Variants in ATP8A1 observed in about 807,000 individuals in gnomAD.
ATP8A1 encodes ATPase phospholipid transporting 8A1.
ATP8A1 carries 90 observed loss-of-function variants against 177.7 expected under a neutral mutation model. The ratio of observed to expected loss-of-function variants is 0.51; its 90% CI spans 0.43 to 0.60. The LOEUF (loss-of-function observed/expected upper bound fraction) is 0.60. Among genes scored for constraint, ATP8A1 ranks in the 20% least tolerant of loss-of-function variants. ATP8A1 has a pLI of 0.00. For synonymous variants in ATP8A1, 493 were observed against 485.9 expected (o/e 1.01, Z -0.19); for missense variants, 1,072 against 1,392.8 (o/e 0.77, Z 3.67).
At chr4:42,453,338 T>C (rs909152860) in intron 29 of ATP8A1, among the ~76,000 whole-genome samples, 1 of 152,172 alleles carries the variant, frequency 6.6e-6, no homozygotes, top group African/African-American at 2.4e-5. Flanking sequence ...TTATATGAGA[T>C]TGAATCAAAT....
chr4:42,555,138 T>TAATC lies in ATP8A1; in HGVS notation c.1413+826_1413+829dup, dbSNP rs1553903394. Among the ~76,000 whole-genome samples the TAATC allele has an allele frequency of 1.0e-4, 8 of 76,810 alleles. No homozygotes were observed. In the East Asian group the frequency reaches 2.6e-3, roughly 25 times the overall value. 50.4% of individuals were successfully genotyped at this position (76,810 alleles called of 152,430 possible). The stretch of plus-strand genomic sequence containing the variant: ...CTATCTATCTATCTATCTATCTATC[T>TAATC]AATCTATCTATCTATCTATCTATCT... On this transcript the variant is annotated intron_variant, in intron 16 of 36. Transcript: ENST00000381668.
chr4:42,457,739 G>A (rs1048418916), intron 27 of ATP8A1, among the ~76,000 whole-genome samples: 1 of 152,160 alleles, frequency 6.6e-6, no homozygotes, highest in South Asian at 2.1e-4. Flanking sequence ...GCTACTACGA[G>A]CTTGAAATTT....
intron 33 of ATP8A1, among the ~76,000 whole-genome samples, chr4:42,436,696 G>T (rs1283379447): frequency 6.6e-6 from 1 of 152,104 alleles, no homozygotes; most frequent in Non-Finnish European, 1.5e-5. Context: ...TTCCCTCCAG[G>T]CTACTTGGCT....
At chr4:42,601,919 T>A (rs199995982) in intron 5 of ATP8A1, among the ~76,000 whole-genome samples, 1 of 8,594 alleles carries the variant, frequency 1.2e-4, no homozygotes, top group African/African-American at 2.3e-4. Context: ...AACTCAGTGT[T>A]TCACAATATA....
chr4:42,444,589 A>T lies in ATP8A1; in HGVS notation c.3004T>A (p.Tyr1002Asn). Residue 1002 changes from tyrosine (Y) to asparagine (N), a missense_variant, in exon 32 of 37, where the codon TAT (tyrosine) becomes AAT (asparagine). This residue lies in a region of ATP8A1 where 316 missense variants were observed against 459.1 expected (regional missense o/e 0.69). Transcript: ENST00000381668. ...AGATATTTTCTTACCCATGTCCAAT[A>T]TGATGTCTCCAATCCAGCTTTCAAA... ...VCLKAGLETS[Y>N]WTWFSHIAIW... 1.9e-6 allele frequency: 3 copies of T among 1,613,896 alleles called. No homozygotes were observed. The highest frequency in any genetic ancestry group is 1.7e-6 in the Non-Finnish European group (2 of 1,179,838).
chr4:42,605,771 C>T (rs979883758), intron 5 of ATP8A1, among the ~76,000 whole-genome samples: 1 of 152,200 alleles, frequency 6.6e-6, no homozygotes, highest in African/African-American at 2.4e-5. Flanking sequence ...TCCTCTCCAC[C>T]CAAATGTTCT....
rs987703528 is a variant in ATP8A1, at chr4:42,412,309, G to A, written c.*607C>T. The A allele has an allele frequency of 3.9e-5, 6 of 152,152 alleles. No homozygotes were observed. The highest frequency in any genetic ancestry group is 5.9e-5 in the Non-Finnish European group (4 of 68,024). The allele number at this position is 152,152 out of a possible 1,614,324, so 9.4% of individuals were successfully genotyped here. On this transcript the variant is annotated 3_prime_UTR_variant, in exon 37 of 37. Coordinates refer to ENST00000381668, the MANE Select transcript of ATP8A1 (RefSeq NM_006095.2). ...AAGTCAGGCATGCAGATCTTACAGC[G>A]GAACTGGAAGTAAACTTTCTCTTAC...
chr4:42,410,737 CAG>C lies in ATP8A1; in HGVS notation c.*2177_*2178del, dbSNP rs1408632937. 2.0e-5 allele frequency: 3 copies of C among 152,274 alleles called. No individual in the cohort carries two copies. Among genetic ancestry groups the C allele is most frequent in the African/African-American group, 7.2e-5 (3 of 41,548 alleles). 9.4% of individuals were successfully genotyped at this position (152,274 alleles called of 1,614,324 possible). A position where few individuals can be genotyped will look rare whatever the true frequency, so the allele number is the denominator to read the frequency against. ...ATTCTTCTCATGTTTAAGAGCTCCA[CAG>C]AAACAATCCACGTTTCAAGATTAAA... On this transcript the variant is annotated 3_prime_UTR_variant, in exon 37 of 37. Coordinates refer to ENST00000381668, the MANE Select transcript of ATP8A1 (RefSeq NM_006095.2).
chr4:42,636,720 G>C (rs946403012), intron 1 of ATP8A1, among the ~76,000 whole-genome samples: 4 of 151,980 alleles, frequency 2.6e-5, no homozygotes, highest in African/African-American at 7.3e-5. Flanking sequence ...GCTTCTCCTG[G>C]AAACAGCCCA....
At chr4:42,608,351 G>T (rs569779155) in intron 5 of ATP8A1, among the ~76,000 whole-genome samples, 39 of 146,376 alleles carry the variant, frequency 2.7e-4, no homozygotes, top group African/African-American at 9.0e-4. Flanking sequence ...GCCCTCCCCG[G>T]GCAATAATAT....
At chr4:42,472,747 C>CAAAA (rs11315234) in intron 25 of ATP8A1, among the ~76,000 whole-genome samples, 24 of 110,930 alleles carry the variant, frequency 2.2e-4, no homozygotes, top group Middle Eastern at 4.2e-3. Context: ...GAGACTGTCT[C>CAAAA]AAAAAAAAAA....
intron 34 of ATP8A1, 92 bp downstream of exon 34, chr4:42,423,525 G>T: frequency 1.3e-6 from 1 of 772,392 alleles, no homozygotes; most frequent in Non-Finnish European, 2.0e-6. Context: ...TATCCTGCAA[G>T]CTCTACATGC....
intron 5 of ATP8A1, among the ~76,000 whole-genome samples, chr4:42,605,517 T>C (rs1735708892): frequency 6.6e-6 from 1 of 152,210 alleles, no homozygotes. Context: ...CAACAGATTA[T>C]GCCAGAGAGT....
chr4:42,546,024 T>C (rs1184250831), intron 19 of ATP8A1, among the ~76,000 whole-genome samples: 1 of 152,126 alleles, frequency 6.6e-6, no homozygotes, highest in East Asian at 1.9e-4. Context: ...AAAACCTGCA[T>C]ATCTATGTGT....
intron 1 of ATP8A1, among the ~76,000 whole-genome samples, chr4:42,638,533 A>C (rs1739617942): frequency 6.6e-6 from 1 of 152,236 alleles, no homozygotes; most frequent in Non-Finnish European, 1.5e-5. Context: ...CCAGCCTTGG[A>C]TATTAACCTA....
intron 25 of ATP8A1, among the ~76,000 whole-genome samples, chr4:42,483,609 A>C (rs964161512): frequency 2.6e-5 from 4 of 152,134 alleles, no homozygotes; most frequent in Non-Finnish European, 5.9e-5. Flanking sequence ...ATCCAGAACA[A>C]GGATTTCGGG....
chr4:42,519,754 C>T (rs867012595), intron 22 of ATP8A1, among the ~76,000 whole-genome samples: 7 of 152,116 alleles, frequency 4.6e-5, no homozygotes, highest in South Asian at 2.1e-4. Flanking sequence ...TTAATCTTTC[C>T]GGATCTTAGA....
intron 20 of ATP8A1, among the ~76,000 whole-genome samples, chr4:42,529,178 G>A (rs905768578): frequency 1.3e-5 from 2 of 152,208 alleles, no homozygotes; most frequent in Admixed American, 1.3e-4. Context: ...TGGTCCATAT[G>A]ACCTAGCAGA....
intron 20 of ATP8A1, among the ~76,000 whole-genome samples, chr4:42,540,043 C>G (rs897235711): frequency 6.6e-6 from 1 of 151,962 alleles, no homozygotes; most frequent in African/African-American, 2.4e-5. Context: ...AACTATTCAC[C>G]CTAAAAAGGA....
Sources: gnomAD v4.1 joint callset for allele counts (sites outside exome capture counted in the v4.1 genomes callset) on GRCh38, gnomAD v4.1.1 for gene constraint, gnomAD v4.1.1 regional missense constraint, MANE v1.5 for transcripts, NCBI Gene and HGNC (gene_info 2026-07-23, HGNC 2026-07-21) for gene names.